Variants in RIMS2 observed in about 807,000 individuals in gnomAD.
RIMS2 encodes regulating synaptic membrane exocytosis 2, also known as regulating synaptic membrane exocytosis protein 2.
A neutral mutation model predicts 174.4 loss-of-function variants in RIMS2; 59 were observed. That is an observed-to-expected ratio of 0.34 (90% CI 0.27 to 0.42). The LOEUF (loss-of-function observed/expected upper bound fraction) is 0.42, where lower values mean the gene tolerates loss of function less well. RIMS2 is among the 10% of genes least tolerant of loss of function. The pLI is 1.00. For missense variants in RIMS2, 1,620 were observed against 1,666.3 expected (o/e 0.97, Z 0.48); for synonymous variants, 606 against 572.5 (o/e 1.06, Z -0.84).
At chr8:104,057,610 C>T (rs2096893527) in intron 19 of RIMS2, among the ~76,000 whole-genome samples, 1 of 151,270 alleles carries the variant, frequency 6.6e-6, no homozygotes, top group African/African-American at 2.4e-5. Context: ...GGTACATGTG[C>T]ACAATGTGCA....
At chr8:103,704,303 A>C (rs1026724061) in intron 2 of RIMS2, among the ~76,000 whole-genome samples, 6 of 151,634 alleles carry the variant, frequency 4.0e-5, no homozygotes, top group African/African-American at 1.5e-4. Context: ...CCATCTTTGC[A>C]TTCCTGGGAT....
rs1437951370 is a variant in RIMS2, at chr8:104,041,446, T to G, written c.3334+26831T>G. 3 of 606,298 alleles carry G rather than the reference T, an allele frequency of 4.9e-6. No homozygotes were observed. In the Admixed American group the frequency reaches 7.2e-5, roughly 15 times the overall value. The allele number at this position is 606,298 out of a possible 1,614,324, so 37.6% of individuals were successfully genotyped here. On this transcript the variant is annotated intron_variant, in intron 19 of 23. Transcript: ENST00000504942. ...ATCATTTTTTTACTCATTTCATAGT[T>G]TTTCATTCCTTTGTAATATAACAAA...
rs1164867065 is a variant in RIMS2, at chr8:104,016,966, A to AT, written c.3334+2359dup. ...TAAAGTCCCCAATTGTGATTTTTCC[A>AT]TTTTTTTTATTTCATAAAACAAAGA... On this transcript the variant is annotated intron_variant, in intron 19 of 23. Transcript: ENST00000504942. Among the ~76,000 whole-genome samples, 8 of 151,790 alleles carry AT rather than the reference A, an allele frequency of 5.3e-5. No homozygotes were observed. The South Asian group carries it at 1.7e-3, about 32-fold the overall frequency.
At chr8:103,713,970 T>C (rs1297935027) in intron 2 of RIMS2, among the ~76,000 whole-genome samples, 1 of 152,208 alleles carries the variant, frequency 6.6e-6, no homozygotes, top group Non-Finnish European at 1.5e-5. Flanking sequence ...CTTACCCACT[T>C]GATGAGCACT....
intron 19 of RIMS2, among the ~76,000 whole-genome samples, chr8:104,220,721 C>T (rs752497182): frequency 2.0e-5 from 3 of 152,094 alleles, no homozygotes; most frequent in Non-Finnish European, 4.4e-5. Flanking sequence ...CCTATCTTAG[C>T]CTCCTGAGTT....
intron 19 of RIMS2, among the ~76,000 whole-genome samples, chr8:104,242,624 G>A (rs2099308157): frequency 6.6e-6 from 1 of 152,244 alleles, no homozygotes; most frequent in African/African-American, 2.4e-5. Flanking sequence ...TTGAACAATA[G>A]TCCATGTTCT....
chr8:103,743,401 A>T (rs1156483494), intron 2 of RIMS2, among the ~76,000 whole-genome samples: 3 of 152,154 alleles, frequency 2.0e-5, no homozygotes, highest in Admixed American at 6.6e-5. Flanking sequence ...TATTCCATTG[A>T]GTTAACAGTG....
intron 3 of RIMS2, among the ~76,000 whole-genome samples, chr8:103,809,643 C>T (rs1014182428): frequency 3.3e-5 from 5 of 152,080 alleles, no homozygotes; most frequent in Admixed American, 6.6e-5. Flanking sequence ...AGCACAGTAC[C>T]TTGAATTGCT....
chr8:103,745,433 C>T (rs2097799962), intron 2 of RIMS2, among the ~76,000 whole-genome samples: 1 of 151,962 alleles, frequency 6.6e-6, no homozygotes, highest in Admixed American at 6.6e-5. Flanking sequence ...TGTGCACATT[C>T]ATTTGCAAGT....
intron 1 of RIMS2, among the ~76,000 whole-genome samples, chr8:103,540,257 G>A (rs1841911202): frequency 6.6e-6 from 1 of 152,154 alleles, no homozygotes; most frequent in Non-Finnish European, 1.5e-5. Context: ...CATGAAGAGG[G>A]ACCCCTTTAG....
At chr8:104,124,740 C>G (rs1331729494) in intron 19 of RIMS2, among the ~76,000 whole-genome samples, 1 of 151,926 alleles carries the variant, frequency 6.6e-6, no homozygotes, top group East Asian at 1.9e-4. Context: ...GGCTTTTTGC[C>G]CAGATGCCTT....
intron 3 of RIMS2, among the ~76,000 whole-genome samples, chr8:103,857,816 A>T (rs1186438469): frequency 6.6e-6 from 1 of 152,306 alleles, no homozygotes; most frequent in African/African-American, 2.4e-5. Flanking sequence ...TCTACGCTAC[A>T]TTCTCCTCTC....
At chr8:103,812,351 T>TTTTTTTTTTTTTTTTTTTTTTTA (rs2098693850) in intron 3 of RIMS2, among the ~76,000 whole-genome samples, 1 of 147,382 alleles carries the variant, frequency 6.8e-6, no homozygotes, top group Non-Finnish European at 1.5e-5. Context: ...TTTTTTTTTT[T>TTTTTTTTTTTTTTTTTTTTTTTA]TTTGTTGTTG....
chr8:104,251,827 T>TA (rs754172747), exon 24 of RIMS2: 4 of 1,323,668 alleles, frequency 3.0e-6, no homozygotes, highest in African/African-American at 2.0e-5. Context: ...ATAGCAGCTG[T>TA]AAAAAAATTG....
In RIMS2 at chr8:104,068,619, C is replaced by T. The variant is rs778397948; in HGVS notation, c.3334+54004C>T. The T allele has an allele frequency of 7.0e-6, 10 of 1,426,752 alleles. No individual in the cohort carries two copies. In the African/African-American group the frequency reaches 1.3e-4, roughly 18 times the overall value. The allele number at this position is 1,426,752 out of a possible 1,614,324, so 88.4% of individuals were successfully genotyped here. A position where few individuals can be genotyped will look rare whatever the true frequency, so the allele number is the denominator to read the frequency against. ...ACAAGATTACCATTCGAAGGCAAGACATTTTTCTTTTTAAAAGTTGTAAAA... is the reference window on the plus strand; with the variant it reads ...ACAAGATTACCATTCGAAGGCAAGATATTTTTCTTTTTAAAAGTTGTAAAA... On this transcript the variant is annotated intron_variant, in intron 19 of 23. Transcript: ENST00000504942.
At chr8:103,520,631 T>G (rs1463789672) in intron 1 of RIMS2, among the ~76,000 whole-genome samples, 2 of 152,158 alleles carry the variant, frequency 1.3e-5, no homozygotes, top group African/African-American at 4.8e-5. Flanking sequence ...ATAGTAATAA[T>G]TTAAAAATAG....
At chr8:103,701,331 T>C (rs1319982570) in intron 2 of RIMS2, among the ~76,000 whole-genome samples, 1 of 152,160 alleles carries the variant, frequency 6.6e-6, no homozygotes, top group Admixed American at 6.5e-5. Flanking sequence ...TAATGTGGTA[T>C]ATGTGATAAT....
At chr8:103,780,877 C>T (rs2098381134) in intron 3 of RIMS2, among the ~76,000 whole-genome samples, 1 of 151,746 alleles carries the variant, frequency 6.6e-6, no homozygotes, top group Non-Finnish European at 1.5e-5. Flanking sequence ...TTTTACTTGA[C>T]TTGTTTTCTT....
chr8:103,808,583 C>G (rs969174277), intron 3 of RIMS2, among the ~76,000 whole-genome samples: 1 of 152,058 alleles, frequency 6.6e-6, no homozygotes, highest in Non-Finnish European at 1.5e-5. Flanking sequence ...TTCAGCAATC[C>G]ATCATCTTCC....
Sources: gnomAD v4.1 joint callset for allele counts (sites outside exome capture counted in the v4.1 genomes callset) on GRCh38, gnomAD v4.1.1 for gene constraint, MANE v1.5 for transcripts, NCBI Gene and HGNC (gene_info 2026-07-23, HGNC 2026-07-21) for gene names.